Variants in TIPIN observed in about 807,000 individuals in gnomAD.
TIPIN encodes the protein TIMELESS-interacting protein.
TIPIN carries 29 observed loss-of-function variants against 35.6 expected under a neutral mutation model. That is an observed-to-expected ratio of 0.82 (90% CI 0.61 to 1.11). TIPIN has a LOEUF of 1.11. TIPIN is among the 50% of genes most tolerant of loss of function. The pLI is 0.00. For synonymous variants in TIPIN, 102 were observed against 121.5 expected (o/e 0.84, Z 1.06); for missense variants, 296 against 345.4 (o/e 0.86, Z 1.13).
rs534924689 is a variant in TIPIN, at chr15:66,345,654, T to C, written c.475+3406A>G. Among the ~76,000 whole-genome samples the C allele has an allele frequency of 6.6e-5, 10 of 151,734 alleles. 1 individual carries two copies. The highest frequency in any genetic ancestry group is 3.4e-3 in the Middle Eastern group (1 of 294). On this transcript the variant is annotated intron_variant, in intron 6 of 7. Coordinates refer to ENST00000261881, the MANE Select transcript of TIPIN (RefSeq NM_017858.3). ...ACTTGAACTGAGGTGGAGGTTGCAG[T>C]GAGCCGAGATCGCACCACTGCACTC...
intron 7 of TIPIN, 125 bp from the exon 8 acceptor site, chr15:66,337,306 G>T: frequency 3.4e-6 from 2 of 592,262 alleles, no homozygotes; most frequent in East Asian, 2.9e-5. Flanking sequence ...TGTTAATTAT[G>T]ATCACTTTCT....
intron 7 of TIPIN, among the ~76,000 whole-genome samples, chr15:66,340,260 C>T (rs1427077035): frequency 1.4e-5 from 2 of 141,310 alleles, no homozygotes; most frequent in African/African-American, 5.3e-5. Flanking sequence ...TCACTGCAAC[C>T]TCTGCCTCCT....
At chr15:66,386,261 C>T (rs2140509399) in intron 1 of TIPIN, among the ~76,000 whole-genome samples, 1 of 151,358 alleles carries the variant, frequency 6.6e-6, no homozygotes, top group Non-Finnish European at 1.5e-5. Context: ...CACTACACTC[C>T]AGGCTGGGCA....
At chr15:66,381,265 GTC>G (rs1217389609) in intron 1 of TIPIN, among the ~76,000 whole-genome samples, 2 of 152,032 alleles carry the variant, frequency 1.3e-5, no homozygotes, top group Non-Finnish European at 2.9e-5. Context: ...GCGAAACCCT[GTC>G]TCTACTAAAA....
At chr15:66,381,063 G>C (rs899124354) in intron 1 of TIPIN, among the ~76,000 whole-genome samples, 1 of 152,090 alleles carries the variant, frequency 6.6e-6, no homozygotes, top group Non-Finnish European at 1.5e-5. Flanking sequence ...TTACAAGAGA[G>C]TCATGGAAGT....
At chr15:66,357,777 G>A (rs2093213430), upstream of TIPIN, among the ~76,000 whole-genome samples, 1 of 152,088 alleles carries the variant, frequency 6.6e-6, no homozygotes, top group South Asian at 2.1e-4. Flanking sequence ...CCAACGTGGT[G>A]AAACCCCATC....
chr15:66,340,705 T>C (rs910448649), intron 7 of TIPIN, among the ~76,000 whole-genome samples: 1 of 152,094 alleles, frequency 6.6e-6, no homozygotes, highest in Non-Finnish European at 1.5e-5. Context: ...CAGGTGATTC[T>C]CGTACCTCAG....
At chr15:66,344,656 G>C (rs886786683) in intron 6 of TIPIN, among the ~76,000 whole-genome samples, 1 of 143,308 alleles carries the variant, frequency 7.0e-6, no homozygotes, top group South Asian at 2.2e-4. Flanking sequence ...TTTGAGACCA[G>C]CCTGCAAAAC....
rs978840149 is a variant in TIPIN, at chr15:66,382,373, T to C, written c.-9+4234A>G. The C allele has an allele frequency of 2.7e-5, 27 of 985,264 alleles. No individual in the cohort carries two copies. The African/African-American group carries it at 4.2e-4, about 15-fold the overall frequency. 61.0% of individuals were successfully genotyped at this position (985,264 alleles called of 1,614,324 possible). A position where few individuals can be genotyped will look rare whatever the true frequency, so the allele number is the denominator to read the frequency against. On this transcript the variant is annotated intron_variant, in intron 1 of 7. Transcript: ENST00000562124. ...TAGAGGTCTGAGTTAAATGTACTCC[T>C]CAATTCTTGATATGTTTTCATCACT... is the stretch of plus-strand genomic sequence containing the variant.
chr15:66,370,938 C>T (rs561901767), intron 1 of TIPIN, among the ~76,000 whole-genome samples: 11 of 152,232 alleles, frequency 7.2e-5, no homozygotes, highest in Admixed American at 1.3e-4. Context: ...AGGCCAGGCG[C>T]GGTGGCTCAC....
At chr15:66,372,626 C>T (rs1029376964) in intron 1 of TIPIN, among the ~76,000 whole-genome samples, 24 of 152,302 alleles carry the variant, frequency 1.6e-4, no homozygotes, top group Non-Finnish European at 4.4e-5. Context: ...AATAATAGGG[C>T]CGGGACCTGT....
At chr15:66,339,143 AAAAAAAAAAAAAAAG>A (rs2093067130) in intron 7 of TIPIN, among the ~76,000 whole-genome samples, 1 of 54,594 alleles carries the variant, frequency 1.8e-5, no homozygotes, top group South Asian at 7.6e-4. Flanking sequence ...AAAAAAAAAA[AAAAAAAAAAAAAAAG>A]CAAAAAGAAA....
At chr15:66,379,591 C>T in intron 1 of TIPIN, 1 of 1,610,982 alleles carries the variant, frequency 6.2e-7, no homozygotes, top group Non-Finnish European at 8.5e-7. Flanking sequence ...ACAACAGACC[C>T]ATTCTCCGGG....
At chr15:66,386,161 G>T (rs947305157) in intron 1 of TIPIN, among the ~76,000 whole-genome samples, 2 of 152,130 alleles carry the variant, frequency 1.3e-5, no homozygotes, top group Admixed American at 6.6e-5. Flanking sequence ...GCATGACGGC[G>T]AGTGCCTGTA....
rs62627272 is a variant in TIPIN at position 66,353,765 on chromosome 15, A to C, written c.-8-810T>G. Among the ~76,000 whole-genome samples the C allele has an allele frequency of 9.7e-3, 1,477 of 152,254 alleles. 53 individuals carry two copies. The highest frequency in any genetic ancestry group is 0.061 in the Admixed American group (930 of 15,260). Reference sequence around the variant, plus strand: ...TATCCTCAGGTTGATAACTCGAAAGAATGTTTTTCAGTACTGCCTTACTTA... The same window carrying C: ...TATCCTCAGGTTGATAACTCGAAAGCATGTTTTTCAGTACTGCCTTACTTA... On this transcript the variant is annotated intron_variant, in intron 1 of 7. Coordinates refer to ENST00000261881, the MANE Select transcript of TIPIN (RefSeq NM_017858.3).
chr15:66,341,257 C>T lies in TIPIN; in HGVS notation c.575G>A (p.Ser192Asn), dbSNP rs574183014. 112 of 1,613,858 alleles carry T rather than the reference C, an allele frequency of 6.9e-5. 1 individual carries two copies. The South Asian group carries it at 1.1e-3, about 15-fold the overall frequency. The change falls in exon 7 of 8, where the codon AGT (serine) becomes AAT (asparagine). Residue 192 changes from serine (S) to asparagine (N), a missense_variant. Ser to Asn is a conservative substitution (Grantham distance 46). Transcript: ENST00000261881. Reference protein sequence around the residue: ...SESEMFASELSRSLTEEQQQR... With the variant: ...SESEMFASELNRSLTEEQQQR... ...TTGTTGCTCTTCTGTTAGGCTTCTA[C>T]TTAACTCAGAAGCAAACATCTCACT...
chr15:66,336,819 T>C lies in TIPIN; in HGVS notation c.*139A>G, dbSNP rs1463987896. On this transcript the variant is annotated 3_prime_UTR_variant, in exon 8 of 8. Coordinates refer to ENST00000261881, the MANE Select transcript of TIPIN (RefSeq NM_017858.3). ...AGTGACAAGCATAATTATAAATAAATACCAGATTATCAGATTTTAAACAAT... is the reference window on the plus strand; with the variant it reads ...AGTGACAAGCATAATTATAAATAAACACCAGATTATCAGATTTTAAACAAT... 6.1e-6 allele frequency: 4 copies of C among 652,292 alleles called. No homozygotes were observed. The highest frequency in any genetic ancestry group is 5.5e-5 in the African/African-American group (3 of 54,932). 40.4% of individuals were successfully genotyped at this position (652,292 alleles called of 1,614,324 possible).
At position 66,377,244 on chromosome 15, in the gene TIPIN, T is replaced by C. The variant is rs569139622; in HGVS notation, c.-9+9363A>G. On this transcript the variant is annotated intron_variant, in intron 1 of 7. Transcript: ENST00000562124. ...CATAATTTGCATTTCTCTAAGCGAG[T>C]AGAATTTTGAAAGCCATTTGTATGA... is the stretch of plus-strand genomic sequence containing the variant. 2.0e-5 allele frequency among the ~76,000 whole-genome samples: 3 copies of C among 152,180 alleles called. No individual in the cohort carries two copies. The East Asian group carries it at 5.8e-4, about 29-fold the overall frequency.
intron 1 of TIPIN, among the ~76,000 whole-genome samples, chr15:66,376,424 T>G (rs2140496314): frequency 6.6e-6 from 1 of 152,192 alleles, no homozygotes; most frequent in South Asian, 2.1e-4. Flanking sequence ...AATAATTTTT[T>G]TCTTTTTTTT....
Sources: gnomAD v4.1 joint callset for allele counts (sites outside exome capture counted in the v4.1 genomes callset) on GRCh38, gnomAD v4.1.1 for gene constraint, MANE v1.5 for transcripts, NCBI Gene and HGNC (gene_info 2026-07-23, HGNC 2026-07-21) for gene names.